Variants in PPP3CA observed in about 807,000 individuals in gnomAD.
The protein encoded by PPP3CA is protein phosphatase 3 catalytic subunit alpha, also known as CAM-PRP catalytic subunit.
Under a neutral mutation model 66.5 loss-of-function variants are expected in PPP3CA, and 14 were observed. The ratio of observed to expected loss-of-function variants is 0.21; its 90% CI spans 0.14 to 0.33. PPP3CA has a LOEUF of 0.33. PPP3CA is among the 10% of genes least tolerant of loss of function. PPP3CA has a pLI of 1.00. For missense variants in PPP3CA, 317 were observed against 639.5 expected (o/e 0.50, Z 5.44); for synonymous variants, 232 against 226.2 (o/e 1.03, Z -0.23).
intron 2 of PPP3CA, among the ~76,000 whole-genome samples, chr4:101,159,052 A>G (rs1723416731): frequency 6.6e-6 from 1 of 152,196 alleles, no homozygotes; most frequent in South Asian, 2.1e-4. Flanking sequence ...CAGTTCCCTA[A>G]GAAAGGTACT....
rs1485755431 is a variant in PPP3CA, at chr4:101,080,621, C to T, written c.866G>A (p.Arg289His). 7 of 1,504,328 alleles carry T rather than the reference C, an allele frequency of 4.7e-6. No individual in the cohort carries two copies. Among genetic ancestry groups the T allele is most frequent in the South Asian group, 1.4e-5 (1 of 69,312 alleles). The allele number at this position is 1,504,328 out of a possible 1,614,324, so 93.2% of individuals were successfully genotyped here. A position where few individuals can be genotyped will look rare whatever the true frequency, so the allele number is the denominator to read the frequency against. ...RAHEAQDAGY[R>H]MYRKSQTTGF... ...TGTTGTTTGGCTTTTCCTGTACATG[C>T]GGTACCTAAAAAGAACAAATACAGT... is the stretch of plus-strand genomic sequence containing the variant. Residue 289 changes from arginine to histidine, a missense_variant, in exon 8 of 14, where the codon CGC becomes CAC. Arg to His is a conservative substitution (Grantham distance 29). Coordinates refer to ENST00000394854, the MANE Select transcript of PPP3CA (RefSeq NM_000944.5).
At chr4:101,125,006 G>A (rs1722202128) in intron 2 of PPP3CA, among the ~76,000 whole-genome samples, 1 of 152,114 alleles carries the variant, frequency 6.6e-6, no homozygotes, top group Admixed American at 6.5e-5. Context: ...TAAATATAAT[G>A]TACTTCAAAT....
chr4:101,219,202 C>T (rs916293327), intron 1 of PPP3CA, among the ~76,000 whole-genome samples: 3 of 151,998 alleles, frequency 2.0e-5, no homozygotes, highest in African/African-American at 7.2e-5. Context: ...TTCATCACTG[C>T]ATCTGGAAAG....
At chr4:101,319,169 TG>T (rs1266979559) in intron 1 of PPP3CA, among the ~76,000 whole-genome samples, 3 of 142,260 alleles carry the variant, frequency 2.1e-5, no homozygotes, top group Non-Finnish European at 4.6e-5. Context: ...TATACCATAT[TG>T]AAAAAAAAAA....
chr4:101,316,992 T>C lies in PPP3CA; in HGVS notation c.58+29747A>G, dbSNP rs989015883. 3.3e-5 allele frequency among the ~76,000 whole-genome samples: 5 copies of C among 152,158 alleles called. No individual in the cohort carries two copies. The South Asian group carries it at 1.0e-3, about 32-fold the overall frequency. On this transcript the variant is annotated intron_variant, in intron 1 of 13. Coordinates refer to ENST00000394854, the MANE Select transcript of PPP3CA (RefSeq NM_000944.5). ...AGATAGAGGAAGGAGTCATTTCACA[T>C]ACACAGAGTAAACATACTTAAAATT...
At chr4:101,250,963 A>C (rs1192669444) in intron 1 of PPP3CA, among the ~76,000 whole-genome samples, 1 of 152,160 alleles carries the variant, frequency 6.6e-6, no homozygotes, top group African/African-American at 2.4e-5. Flanking sequence ...AGAAAAAAAG[A>C]AAGGTTGTTC....
At chr4:101,282,878 A>G (rs1184448603) in intron 1 of PPP3CA, among the ~76,000 whole-genome samples, 5 of 152,172 alleles carry the variant, frequency 3.3e-5, no homozygotes, top group African/African-American at 1.2e-4. Flanking sequence ...CTAATTTGAA[A>G]TCTAACTTTG....
intron 1 of PPP3CA, among the ~76,000 whole-genome samples, chr4:101,305,744 T>C (rs1462519992): frequency 6.6e-6 from 1 of 152,206 alleles, no homozygotes; most frequent in Non-Finnish European, 1.5e-5. Context: ...AATCTTCCTA[T>C]TTCAAATGCA....
At chr4:101,213,327 T>C (rs187590426) in intron 1 of PPP3CA, among the ~76,000 whole-genome samples, 1 of 152,316 alleles carries the variant, frequency 6.6e-6, no homozygotes, top group East Asian at 1.9e-4. Flanking sequence ...TAACCTATAA[T>C]GCACACAGTG....
chr4:101,298,339 G>GAGATAT (rs142060997), intron 1 of PPP3CA, among the ~76,000 whole-genome samples: 3 of 143,782 alleles, frequency 2.1e-5, no homozygotes, highest in African/African-American at 7.7e-5. Context: ...CAAGCAGGGA[G>GAGATAT]ATATATATAT....
chr4:101,342,287 T>C (rs1011584716), intron 1 of PPP3CA, among the ~76,000 whole-genome samples: 2 of 152,182 alleles, frequency 1.3e-5, no homozygotes, highest in African/African-American at 4.8e-5. Flanking sequence ...ATCTTCAAAA[T>C]GTTGATTATT....
Position 101,032,121 on chromosome 4 carries a change from A to C in PPP3CA, c.1339+146T>G, listed in dbSNP as rs1227457528. The C allele has an allele frequency of 9.3e-6, 5 of 535,254 alleles. No individual in the cohort carries two copies. The Admixed American group carries it at 1.9e-4, about 20-fold the overall frequency. The allele number at this position is 535,254 out of a possible 1,614,324, so 33.2% of individuals were successfully genotyped here. ...CTATTATGTTGGACATGACTGATCA[A>C]ACTGATTGGGGTTTCAGCCCTTCTG... On this transcript the variant is annotated intron_variant, in intron 12 of 13. Transcript: ENST00000394854.
Position 101,147,183 on chromosome 4 carries a change from C to T in PPP3CA, c.260-38105G>A, listed in dbSNP as rs149751765. 2.6e-5 allele frequency among the ~76,000 whole-genome samples: 4 copies of T among 152,276 alleles called. No individual in the cohort carries two copies. The East Asian group carries it at 7.7e-4, about 29-fold the overall frequency. ...TTAGACTCTGTTGTTAAAGGCAATA[C>T]AGTGAATTGTCAAAAATTGATAAAA... On this transcript the variant is annotated intron_variant, in intron 2 of 13. Transcript: ENST00000394854.
At chr4:101,151,450 C>T (rs968641400) in intron 2 of PPP3CA, among the ~76,000 whole-genome samples, 1 of 151,082 alleles carries the variant, frequency 6.6e-6, no homozygotes, top group Non-Finnish European at 1.5e-5. Context: ...GTCCCAGCTA[C>T]TCTGAAGGTT....
chr4:101,144,520 C>A (rs1402375160), intron 2 of PPP3CA, among the ~76,000 whole-genome samples: 1 of 152,150 alleles, frequency 6.6e-6, no homozygotes, highest in Non-Finnish European at 1.5e-5. Flanking sequence ...GAAGTTACTG[C>A]CTTTTGATCT....
chr4:101,183,056 G>C (rs1251078479), intron 2 of PPP3CA, among the ~76,000 whole-genome samples: 2 of 152,096 alleles, frequency 1.3e-5, no homozygotes, highest in Non-Finnish European at 2.9e-5. Flanking sequence ...AACTAATACA[G>C]TATTAGAATG....
At chr4:101,298,645 C>A (rs1390894741) in intron 1 of PPP3CA, among the ~76,000 whole-genome samples, 4 of 152,036 alleles carry the variant, frequency 2.6e-5, no homozygotes, top group African/African-American at 7.3e-5. Flanking sequence ...CTATGGCTTA[C>A]TTTACTGTAA....
At position 101,344,367 on chromosome 4, in the gene PPP3CA, A is replaced by G. The variant is rs180799978; in HGVS notation, c.58+2372T>C. ...TTATGTATGACAAAAGGTTGAATCC[A>G]ACCTTGTATAATGCCTTTCATGCCA... On this transcript the variant is annotated intron_variant, in intron 1 of 13. Coordinates refer to ENST00000394854, the MANE Select transcript of PPP3CA (RefSeq NM_000944.5). Among the ~76,000 whole-genome samples, 356 of 152,332 alleles carry G rather than the reference A, an allele frequency of 2.3e-3. 4 individuals carry two copies. Among genetic ancestry groups the G allele is most frequent in the South Asian group, 0.011 (51 of 4,826 alleles).
intron 1 of PPP3CA, among the ~76,000 whole-genome samples, chr4:101,227,795 C>G (rs1262131173): frequency 2.0e-5 from 3 of 151,682 alleles, no homozygotes; most frequent in African/African-American, 7.3e-5. Context: ...TTAGCTCCCA[C>G]TTATGAGAAC....
Sources: gnomAD v4.1 joint callset for allele counts (sites outside exome capture counted in the v4.1 genomes callset) on GRCh38, gnomAD v4.1.1 for gene constraint, MANE v1.5 for transcripts, NCBI Gene and HGNC (gene_info 2026-07-23, HGNC 2026-07-21) for gene names.